Variants in SSBP2 observed in about 807,000 individuals in gnomAD.
SSBP2 encodes single-stranded DNA-binding protein 2.
A neutral mutation model predicts 61.8 loss-of-function variants in SSBP2; 17 were observed. The ratio of observed to expected loss-of-function variants is 0.28; its 90% CI spans 0.19 to 0.41. The LOEUF is 0.41. Among genes scored for constraint, SSBP2 ranks in the 10% least tolerant of loss-of-function variants. SSBP2 has a pLI of 1.00. For missense variants in SSBP2, 310 were observed against 458.7 expected (o/e 0.68, Z 2.96); for synonymous variants, 139 against 141.3 (o/e 0.98, Z 0.12).
intron 10 of SSBP2, among the ~76,000 whole-genome samples, chr5:81,450,965 A>G (rs925136433): frequency 6.6e-6 from 1 of 152,198 alleles, no homozygotes; most frequent in Non-Finnish European, 1.5e-5. Flanking sequence ...ATCTTAACAA[A>G]TATCTGGAAG....
intron 2 of SSBP2, among the ~76,000 whole-genome samples, chr5:81,648,998 T>A (rs1190418659): frequency 6.6e-6 from 1 of 152,086 alleles, no homozygotes; most frequent in Non-Finnish European, 1.5e-5. Flanking sequence ...CACTTCTTAA[T>A]TGCATCATAT....
chr5:81,513,546 C>T lies in SSBP2; in HGVS notation c.372+82G>A, dbSNP rs568135502. On this transcript the variant is annotated intron_variant, in intron 5 of 16. Coordinates refer to ENST00000320672, the MANE Select transcript of SSBP2 (RefSeq NM_012446.5). Reference sequence around the variant, plus strand: ...TTATTTACCTTAAAAATTAAAATAGCCTTATCTTCCTTCGTATCTTTAATA... The same window carrying T: ...TTATTTACCTTAAAAATTAAAATAGTCTTATCTTCCTTCGTATCTTTAATA... The T allele has an allele frequency of 3.9e-4, 325 of 839,804 alleles. 2 individuals carry two copies. The highest frequency in any genetic ancestry group is 1.7e-3 in the Admixed American group (79 of 45,272). 52.0% of individuals were successfully genotyped at this position (839,804 alleles called of 1,614,324 possible). A position where few individuals can be genotyped will look rare whatever the true frequency, so the allele number is the denominator to read the frequency against.
intron 4 of SSBP2, among the ~76,000 whole-genome samples, chr5:81,584,942 T>C (rs954204678): frequency 2.6e-5 from 4 of 152,100 alleles, no homozygotes. Flanking sequence ...TTAGTCTTCA[T>C]AACAACTCTA....
intron 4 of SSBP2, among the ~76,000 whole-genome samples, chr5:81,543,115 A>G (rs1457135451): frequency 6.6e-6 from 1 of 152,056 alleles, no homozygotes; most frequent in Non-Finnish European, 1.5e-5. Flanking sequence ...TCGGCCTCCC[A>G]AAGTGCTGGG....
chr5:81,596,436 G>A (rs1743756854), intron 4 of SSBP2, among the ~76,000 whole-genome samples: 1 of 112,776 alleles, frequency 8.9e-6, no homozygotes, highest in Non-Finnish European at 1.8e-5. Flanking sequence ...TACATTCAAT[G>A]CCATCCCCAT....
chr5:81,494,890 G>GA (rs1192991720), intron 5 of SSBP2, among the ~76,000 whole-genome samples: 5 of 152,012 alleles, frequency 3.3e-5, no homozygotes, highest in Non-Finnish European at 5.9e-5. Flanking sequence ...GTCTTTTGGA[G>GA]AAAAAATTAC....
intron 1 of SSBP2, among the ~76,000 whole-genome samples, chr5:81,662,543 C>T (rs1442191422): frequency 2.6e-5 from 4 of 151,930 alleles, no homozygotes; most frequent in Non-Finnish European, 5.9e-5. Context: ...TTGGCTCACA[C>T]CTGTAATCCC....
At chr5:81,502,232 A>G (rs1440829542) in intron 5 of SSBP2, among the ~76,000 whole-genome samples, 1 of 152,174 alleles carries the variant, frequency 6.6e-6, no homozygotes, top group East Asian at 1.9e-4. Flanking sequence ...ACTGTGAGCC[A>G]TTGACTAATT....
At chr5:81,558,470 G>A (rs906801359) in intron 4 of SSBP2, among the ~76,000 whole-genome samples, 1 of 152,084 alleles carries the variant, frequency 6.6e-6, no homozygotes, top group African/African-American at 2.4e-5. Context: ...CTAACACCTG[G>A]TGCAGTCCTG....
chr5:81,428,440 A>T, intron 16 of SSBP2, 145 bp downstream of exon 16: 1 of 581,886 alleles, frequency 1.7e-6, no homozygotes, highest in Non-Finnish European at 3.0e-6. Flanking sequence ...ATTTTCAAAG[A>T]TATTCCACTT....
rs1352739319 is a variant in SSBP2, at chr5:81,414,771, C to A, written c.*5733G>T. ...CTCCATCTGCGTATGTCTTGTATTA[C>A]TCTTTCCATCCCAAATAACTTTCAT... On this transcript the variant is annotated 3_prime_UTR_variant, in exon 17 of 17. Transcript: ENST00000320672. 6.6e-6 allele frequency: 1 copy of A among 152,188 alleles called. No individual in the cohort carries two copies. The highest frequency in any genetic ancestry group is 1.5e-5 in the Non-Finnish European group (1 of 68,026). The allele number at this position is 152,188 out of a possible 1,614,324, so 9.4% of individuals were successfully genotyped here. A position where few individuals can be genotyped will look rare whatever the true frequency, so the allele number is the denominator to read the frequency against.
chr5:81,591,259 T>C (rs1230215063), intron 4 of SSBP2, among the ~76,000 whole-genome samples: 1 of 152,174 alleles, frequency 6.6e-6, no homozygotes, highest in Non-Finnish European at 1.5e-5. Context: ...GCTCAGCCCT[T>C]GACTAAATTT....
chr5:81,457,843 G>A (rs547606298), intron 10 of SSBP2, among the ~76,000 whole-genome samples: 2 of 152,028 alleles, frequency 1.3e-5, no homozygotes, highest in East Asian at 3.9e-4. Flanking sequence ...CGTATTTTTA[G>A]TAGAGATGGG....
At chr5:81,520,177 G>A (rs1769358035) in intron 4 of SSBP2, among the ~76,000 whole-genome samples, 2 of 151,892 alleles carry the variant, frequency 1.3e-5, no homozygotes, top group South Asian at 2.1e-4. Context: ...TAGAGACAGG[G>A]TTTCACCATG....
At chr5:81,646,264 T>G (rs193083856) in intron 2 of SSBP2, among the ~76,000 whole-genome samples, 1 of 152,268 alleles carries the variant, frequency 6.6e-6, no homozygotes, top group Non-Finnish European at 1.5e-5. Context: ...AATGTCAAAT[T>G]TGGAAGAAGT....
intron 4 of SSBP2, among the ~76,000 whole-genome samples, chr5:81,548,582 T>G (rs1771930143): frequency 6.6e-6 from 1 of 152,180 alleles, no homozygotes; most frequent in Non-Finnish European, 1.5e-5. Context: ...AAATCCTGCC[T>G]CTTCTCCCGC....
chr5:81,423,587 T>C (rs555007449), intron 16 of SSBP2, among the ~76,000 whole-genome samples: 1 of 151,982 alleles, frequency 6.6e-6, no homozygotes, highest in African/African-American at 2.4e-5. Flanking sequence ...TACTAAAAAA[T>C]ACAAAAAGTT....
chr5:81,667,284 G>GATACACAC (rs1554108625), intron 1 of SSBP2, among the ~76,000 whole-genome samples: 15 of 95,222 alleles, frequency 1.6e-4, no homozygotes, highest in African/African-American at 6.5e-4. Context: ...AAGGGATACA[G>GATACACAC]ATACACACAC....
At chr5:81,482,679 T>C (rs763295584) in intron 6 of SSBP2, among the ~76,000 whole-genome samples, 9 of 152,226 alleles carry the variant, frequency 5.9e-5, no homozygotes, top group South Asian at 2.1e-4. Flanking sequence ...AAGGGAATAT[T>C]GTGGCTGGTC....
Sources: gnomAD v4.1 joint callset for allele counts (sites outside exome capture counted in the v4.1 genomes callset) on GRCh38, gnomAD v4.1.1 for gene constraint, MANE v1.5 for transcripts, NCBI Gene and HGNC (gene_info 2026-07-23, HGNC 2026-07-21) for gene names.